Variants in SUSD4 observed in about 807,000 individuals in gnomAD.
The protein encoded by SUSD4 is sushi domain-containing protein 4.
Under a neutral mutation model 50.5 loss-of-function variants are expected in SUSD4, and 41 were observed. That is an observed-to-expected ratio of 0.81 (90% CI 0.63 to 1.05). The LOEUF (loss-of-function observed/expected upper bound fraction) is 1.05. Ranked by LOEUF, SUSD4 falls within the 50% of genes least tolerant of loss-of-function variation. The probability of loss-of-function intolerance (pLI) is 0.00; values close to 1 mark genes in which losing one functional copy is unlikely to be tolerated. For missense variants in SUSD4, 580 were observed against 634.7 expected (o/e 0.91, Z 0.93); for synonymous variants, 257 against 257.3 (o/e 1.00, Z 0.01).
chr1:223,248,535 C>G (rs974010415), intron 5 of SUSD4, among the ~76,000 whole-genome samples: 11 of 152,176 alleles, frequency 7.2e-5, no homozygotes, highest in African/African-American at 1.9e-4. Context: ...GCTTTTAGCT[C>G]AGGGAAAATC....
intron 5 of SUSD4, chr1:223,263,812 T>C: frequency 1.0e-6 from 1 of 985,472 alleles, no homozygotes; most frequent in Non-Finnish European, 1.2e-6. Flanking sequence ...CATATTCCAT[T>C]GTTTTGCTTT....
intron 2 of SUSD4, among the ~76,000 whole-genome samples, chr1:223,341,863 C>T (rs1667778143): frequency 6.6e-6 from 1 of 151,952 alleles, no homozygotes; most frequent in African/African-American, 2.4e-5. Flanking sequence ...CAGAGACCAC[C>T]ATGCCTCCTG....
intron 2 of SUSD4, among the ~76,000 whole-genome samples, chr1:223,297,502 T>C (rs770613104): frequency 9.2e-5 from 14 of 152,176 alleles, no homozygotes; most frequent in Admixed American, 2.0e-4. Flanking sequence ...ACCCAGGCCC[T>C]GAACAAAGGA....
chr1:223,243,171 C>T (rs1660699534), intron 5 of SUSD4, among the ~76,000 whole-genome samples: 1 of 152,110 alleles, frequency 6.6e-6, no homozygotes, highest in African/African-American at 2.4e-5. Context: ...GTGGCCATTC[C>T]CACATGGAGA....
chr1:223,310,455 C>T (rs2103210787), intron 2 of SUSD4, among the ~76,000 whole-genome samples: 1 of 152,146 alleles, frequency 6.6e-6, no homozygotes, highest in South Asian at 2.1e-4. Flanking sequence ...TGAAGATTTG[C>T]TAATTATTAG....
At chr1:223,278,372 T>A (rs1215696951) in intron 3 of SUSD4, among the ~76,000 whole-genome samples, 2 of 152,170 alleles carry the variant, frequency 1.3e-5, no homozygotes, top group Non-Finnish European at 2.9e-5. Context: ...ATCCTAATAC[T>A]GCGCTTCTCA....
At chr1:223,343,628 A>G (rs1048453012) in intron 2 of SUSD4, among the ~76,000 whole-genome samples, 4 of 152,222 alleles carry the variant, frequency 2.6e-5, no homozygotes, top group Non-Finnish European at 4.4e-5. Context: ...GATATATAGA[A>G]AAGAGACACA....
intron 2 of SUSD4, among the ~76,000 whole-genome samples, chr1:223,331,589 G>A (rs567751647): frequency 6.6e-6 from 1 of 152,316 alleles, no homozygotes; most frequent in Non-Finnish European, 1.5e-5. Context: ...TGATCTCCGA[G>A]GCCTTTGATG....
chr1:223,236,719 AT>A (rs1660249756), intron 5 of SUSD4, among the ~76,000 whole-genome samples: 1 of 152,018 alleles, frequency 6.6e-6, no homozygotes, highest in Non-Finnish European at 1.5e-5. Context: ...CTATTTGTCA[AT>A]TATTTCACTA....
chr1:223,273,046 G>T (rs1019677962), intron 3 of SUSD4, among the ~76,000 whole-genome samples: 4 of 152,144 alleles, frequency 2.6e-5, no homozygotes, highest in African/African-American at 9.7e-5. Context: ...TAGGAAAGGG[G>T]CCCCTGAGGA....
At position 223,285,844 on chromosome 1, in the gene SUSD4, G is replaced by T. The variant is rs544588775; in HGVS notation, c.361+6595C>A. Among the ~76,000 whole-genome samples the T allele has an allele frequency of 7.0e-4, 107 of 152,312 alleles. 1 individual carries two copies. The highest frequency in any genetic ancestry group is 3.2e-4 in the Non-Finnish European group (22 of 68,018). On this transcript the variant is annotated intron_variant, in intron 3 of 8. Transcript: ENST00000366878. Reference sequence around the variant, plus strand: ...CACACACACCGGGAATTACTTGAGGGTGGAGAGCGGGAGAGAGGAGAGGAT... The same window carrying T: ...CACACACACCGGGAATTACTTGAGGTTGGAGAGCGGGAGAGAGGAGAGGAT...
At position 223,224,862 on chromosome 1, in the gene SUSD4, C is replaced by CTTCTTTTT. The variant is rs1239409764; in HGVS notation, c.1062-1232_1062-1231insAAAAAGAA. Among the ~76,000 whole-genome samples the CTTCTTTTT allele has an allele frequency of 5.7e-3, 341 of 59,346 alleles. 15 individuals are homozygous for CTTCTTTTT. Among genetic ancestry groups the CTTCTTTTT allele is most frequent in the African/African-American group, 0.023 (319 of 13,980 alleles). The allele number at this position is 59,346 out of a possible 152,430, so 38.9% of individuals were successfully genotyped here. A position where few individuals can be genotyped will look rare whatever the true frequency, so the allele number is the denominator to read the frequency against. On this transcript the variant is annotated intron_variant, in intron 7 of 8. Transcript: ENST00000366878. Reference sequence around the variant, plus strand: ...GTAGCCAATAGAACTTGGTTTCTTCCTTTTTTTTTTTTTTTTTTTTTTTTT... The same window carrying CTTCTTTTT: ...GTAGCCAATAGAACTTGGTTTCTTCCTTCTTTTTTTTTTTTTTTTTTTTTTTTTTTTTT...
In SUSD4 at chr1:223,223,641, G is replaced by T; in HGVS notation, c.1062-10C>A. On this transcript the variant is annotated splice_polypyrimidine_tract_variant and intron_variant, in intron 7 of 8. Transcript: ENST00000366878. ...ACTCCGGGGAGGCCCCCTGTGTAAA[G>T]GAAAGAAGTGCCAACATGTGAGAGC... 1 of 1,588,494 alleles carries T rather than the reference G, an allele frequency of 6.3e-7. No homozygotes were observed. The highest frequency in any genetic ancestry group is 8.6e-7 in the Non-Finnish European group (1 of 1,165,444).
chr1:223,268,841 G>T (rs1020121350), intron 3 of SUSD4, among the ~76,000 whole-genome samples, 166 bp from the exon 4 acceptor site: 1 of 152,232 alleles, frequency 6.6e-6, no homozygotes, highest in Non-Finnish European at 1.5e-5. Context: ...ACGAGCAGAA[G>T]AGGTGGCTTC....
intron 7 of SUSD4, among the ~76,000 whole-genome samples, chr1:223,226,522 G>A (rs983808162): frequency 3.9e-5 from 6 of 152,222 alleles, no homozygotes; most frequent in African/African-American, 1.2e-4. Context: ...AGGCGGGTAG[G>A]TGCTGTCTCC....
At chr1:223,244,243 C>A (rs1217392701) in intron 5 of SUSD4, among the ~76,000 whole-genome samples, 1 of 152,172 alleles carries the variant, frequency 6.6e-6, no homozygotes, top group Non-Finnish European at 1.5e-5. Context: ...CTGGTACTAG[C>A]AGGGGATTAG....
intron 8 of SUSD4, 88 bp downstream of exon 8, chr1:223,223,161 G>C (rs1659240867): frequency 6.7e-7 from 1 of 1,481,838 alleles, no homozygotes; most frequent in African/African-American, 1.4e-5. Flanking sequence ...GTGCTGGGGG[G>C]TGGAGCGTGC....
intron 3 of SUSD4, among the ~76,000 whole-genome samples, chr1:223,291,742 C>T (rs1664504938): frequency 4.6e-5 from 7 of 152,110 alleles, no homozygotes; most frequent in Admixed American, 4.6e-4. Flanking sequence ...CCCTGCTGGT[C>T]TTCTGAGATA....
chr1:223,350,637 A>C (rs1401437323), intron 2 of SUSD4, among the ~76,000 whole-genome samples: 1 of 152,236 alleles, frequency 6.6e-6, no homozygotes, highest in Non-Finnish European at 1.5e-5. Context: ...GATGTCCTTT[A>C]TTCATACAGT....
Sources: gnomAD v4.1 joint callset for allele counts (sites outside exome capture counted in the v4.1 genomes callset) on GRCh38, gnomAD v4.1.1 for gene constraint, MANE v1.5 for transcripts, NCBI Gene and HGNC (gene_info 2026-07-23, HGNC 2026-07-21) for gene names.